The following KIAA1217 variants were observed in gnomAD, a reference collection of about 807,000 sequenced individuals.
KIAA1217 encodes KIAA1217, also known as sickle tail protein homolog.
KIAA1217 carries 88 observed loss-of-function variants against 163.9 expected under a neutral mutation model. The observed-to-expected ratio is 0.54, with a 90% CI of 0.45 to 0.64. KIAA1217 has a LOEUF of 0.64. KIAA1217 is among the 30% of genes least tolerant of loss of function. KIAA1217 has a pLI of 0.00. For missense variants in KIAA1217, 2,372 were observed against 2,475.0 expected, an observed-to-expected ratio of 0.96 and a Z score of 0.88; for synonymous variants, 903 against 923.1, an observed-to-expected ratio of 0.98 and a Z score of 0.39.
In KIAA1217 at chr10:24,513,445, G is replaced by A; in HGVS notation, c.2177+11G>A. On this transcript the variant is annotated intron_variant, in intron 10 of 20. Transcript: ENST00000376454. The stretch of plus-strand genomic sequence containing the variant: ...CGTCAAGAAGTTGTGGTGAGTGCCA[G>A]TCACTTGCATGTTGAGCTGTTTCAC... 2 of 1,612,644 alleles carry A rather than the reference G, an allele frequency of 1.2e-6. No homozygotes were observed. Among genetic ancestry groups the A allele is most frequent in the Non-Finnish European group, 1.7e-6 (2 of 1,178,846 alleles).
At chr10:24,365,169 C>T (rs1285628345) in intron 2 of KIAA1217, among the ~76,000 whole-genome samples, 1 of 152,106 alleles carries the variant, frequency 6.6e-6, no homozygotes, top group East Asian at 1.9e-4. Context: ...ACTTTCCTTG[C>T]CCCCGTTTCT....
In KIAA1217 at chr10:24,378,238, A is replaced by G. The variant is rs565197806; in HGVS notation, c.355-2631A>G. On this transcript the variant is annotated intron_variant, in intron 2 of 20. Transcript: ENST00000376454. ...GAGTTTAATTGGACCAGCTAAGTTC[A>G]GGTAACTACTTCTTGACCCAATCAG... Among the ~76,000 whole-genome samples, 9 of 152,316 alleles carry G rather than the reference A, an allele frequency of 5.9e-5. No homozygotes were observed. The East Asian group carries it at 1.7e-3, about 29-fold the overall frequency.
At chr10:24,109,021 G>T (rs1174611677) in intron 2 of KIAA1217, among the ~76,000 whole-genome samples, 1 of 151,030 alleles carries the variant, frequency 6.6e-6, no homozygotes, top group African/African-American at 2.5e-5. Context: ...TAGTAGAGAC[G>T]GGGTTTCCCC....
chr10:23,820,242 T>C lies in KIAA1217; in HGVS notation c.-321+125008T>C, dbSNP rs1263477195. 3.3e-5 allele frequency among the ~76,000 whole-genome samples: 5 copies of C among 152,316 alleles called. No individual in the cohort carries two copies. The East Asian group carries it at 9.6e-4, about 29-fold the overall frequency. On this transcript the variant is annotated intron_variant, in intron 1 of 18. Coordinates refer to the KIAA1217 transcript ENST00000376462. ...GTTCAACACTGTCTCTTCTATTTCA[T>C]ATCCCTTATCTCACAGAGCTTCACA... is the stretch of plus-strand genomic sequence containing the variant.
At chr10:23,856,918 C>G (rs1564481627) in intron 1 of KIAA1217, among the ~76,000 whole-genome samples, 1 of 152,342 alleles carries the variant, frequency 6.6e-6, no homozygotes, top group East Asian at 1.9e-4. Flanking sequence ...TCTGTCACCC[C>G]TTTCTTTGAC....
At chr10:24,349,403 T>C (rs1196251184) in intron 2 of KIAA1217, among the ~76,000 whole-genome samples, 1 of 152,148 alleles carries the variant, frequency 6.6e-6, no homozygotes, top group Non-Finnish European at 1.5e-5. Context: ...AAAGCAAAGG[T>C]ATTTGTTGGA....
At chr10:24,258,427 A>G (rs2075383110) in intron 2 of KIAA1217, among the ~76,000 whole-genome samples, 2 of 152,058 alleles carry the variant, frequency 1.3e-5, no homozygotes, top group African/African-American at 4.8e-5. Flanking sequence ...ACTGTGAGAG[A>G]ACAAATGTGT....
chr10:23,946,689 C>A (rs1330801880), intron 1 of KIAA1217, among the ~76,000 whole-genome samples: 2 of 152,064 alleles, frequency 1.3e-5, no homozygotes, highest in Non-Finnish European at 2.9e-5. Flanking sequence ...ACATAACAGC[C>A]TACATAAAAA....
intron 1 of KIAA1217, among the ~76,000 whole-genome samples, chr10:23,806,738 CT>C (rs1242606210): frequency 6.6e-6 from 1 of 152,160 alleles, no homozygotes; most frequent in African/African-American, 2.4e-5. Context: ...CCTACTTTTT[CT>C]TTTTGCCGAT....
chr10:24,533,161 C>A lies in KIAA1217; in HGVS notation c.3338C>A (p.Pro1113Gln). Residue 1113 changes from proline (P) to glutamine (Q), a missense_variant, in exon 16 of 21, where the codon CCG becomes CAG. Pro to Gln is a moderately conservative substitution (Grantham distance 76). Transcript: ENST00000376454. ...EPASAWTPSP[P>Q]PVTTSSSKDE... ...GCTTCAGCCTGGACCCCATCCCCAC[C>A]GCCTGTCACCACCTCCTCCTCAAAG... 1.2e-6 allele frequency: 2 copies of A among 1,613,812 alleles called. No homozygotes were observed. Among genetic ancestry groups the A allele is most frequent in the Non-Finnish European group, 8.5e-7 (1 of 1,179,944 alleles).
intron 2 of KIAA1217, among the ~76,000 whole-genome samples, chr10:24,291,870 T>A (rs1265653421): frequency 6.6e-6 from 1 of 152,198 alleles, no homozygotes; most frequent in Non-Finnish European, 1.5e-5. Context: ...AAAATTTGGG[T>A]TCCTTTTGTA....
chr10:23,880,938 G>A (rs1840921103), intron 1 of KIAA1217, among the ~76,000 whole-genome samples: 1 of 151,890 alleles, frequency 6.6e-6, no homozygotes, highest in Non-Finnish European at 1.5e-5. Context: ...CTTAACCAGG[G>A]TGGAGTTCTC....
intron 2 of KIAA1217, among the ~76,000 whole-genome samples, chr10:24,120,253 G>T (rs1253238477): frequency 6.6e-6 from 1 of 152,170 alleles, no homozygotes; most frequent in Non-Finnish European, 1.5e-5. Context: ...CAAGGGTAAA[G>T]TCCCACTGTG....
chr10:23,700,533 T>A (rs2130701247), intron 1 of KIAA1217, among the ~76,000 whole-genome samples: 1 of 151,958 alleles, frequency 6.6e-6, no homozygotes, highest in East Asian at 1.9e-4. Flanking sequence ...CAATTACAAA[T>A]AAGATTCTAC....
chr10:24,301,530 A>C (rs1021613551), intron 2 of KIAA1217, among the ~76,000 whole-genome samples: 11 of 152,210 alleles, frequency 7.2e-5, no homozygotes, highest in South Asian at 2.1e-4. Flanking sequence ...TCTAACTTCC[A>C]TTCCCAAACA....
At chr10:23,827,845 T>A (rs1837973895) in intron 1 of KIAA1217, among the ~76,000 whole-genome samples, 1 of 152,102 alleles carries the variant, frequency 6.6e-6, no homozygotes. Context: ...TGAAGAGGGC[T>A]GTTGGTGTCA....
chr10:23,884,126 A>T (rs1351497290), intron 1 of KIAA1217, among the ~76,000 whole-genome samples: 4 of 151,918 alleles, frequency 2.6e-5, no homozygotes, highest in African/African-American at 9.7e-5. Flanking sequence ...GTAAATGCCA[A>T]GGAATGTAAT....
chr10:23,810,731 T>C (rs1306277189), intron 1 of KIAA1217, among the ~76,000 whole-genome samples: 1 of 126,424 alleles, frequency 7.9e-6, no homozygotes, highest in Non-Finnish European at 1.6e-5. Context: ...TACAGTATAC[T>C]ATATTATATA....
rs377445792 is a variant in KIAA1217 at position 24,277,982 on chromosome 10, C to G, written c.354+58073C>G. ...CCTTTGTGATGCTTTTGGACAGCAGCTCTATGGACCTATGCCTTTTGTCCT... is the reference window on the plus strand; with the variant it reads ...CCTTTGTGATGCTTTTGGACAGCAGGTCTATGGACCTATGCCTTTTGTCCT... On this transcript the variant is annotated intron_variant, in intron 2 of 20. Coordinates refer to ENST00000376454, the MANE Select transcript of KIAA1217 (RefSeq NM_019590.5). Among the ~76,000 whole-genome samples the G allele has an allele frequency of 1.2e-4, 18 of 152,368 alleles. 1 individual carries two copies. Among genetic ancestry groups the G allele is most frequent in the Admixed American group, 9.8e-4 (15 of 15,308 alleles).
Sources: gnomAD v4.1 joint callset for allele counts (sites outside exome capture counted in the v4.1 genomes callset) on GRCh38, gnomAD v4.1.1 for gene constraint, MANE v1.5 for transcripts, NCBI Gene and HGNC (gene_info 2026-07-23, HGNC 2026-07-21) for gene names.